SBNO2: variants seen among roughly 807,000 people sequenced by gnomAD.
SBNO2 encodes the protein strawberry notch homolog 2.
SBNO2 carries 89 observed loss-of-function variants against 146.3 expected under a neutral mutation model. That is an observed-to-expected ratio of 0.61 (90% CI 0.51 to 0.73). SBNO2 has a LOEUF of 0.73. Among genes scored for constraint, SBNO2 ranks in the 30% least tolerant of loss-of-function variants. SBNO2 has a pLI of 0.00. For synonymous variants in SBNO2, 1,147 were observed against 892.6 expected, an observed-to-expected ratio of 1.29 and a Z score of -5.08; for missense variants, 2,092 against 2,003.7, an observed-to-expected ratio of 1.04 and a Z score of -0.84.
At chr19:1,114,969 G>C (rs2079814015) in intron 17 of SBNO2, among the ~76,000 whole-genome samples, 1 of 151,328 alleles carries the variant, frequency 6.6e-6, no homozygotes, top group Non-Finnish European at 1.5e-5. Flanking sequence ...TCACTCTGTT[G>C]CCCAGGCTGG....
chr19:1,152,201 C>A (rs2080248662), intron 2 of SBNO2, among the ~76,000 whole-genome samples: 1 of 152,214 alleles, frequency 6.6e-6, no homozygotes, highest in African/African-American at 2.4e-5. Context: ...GGGTTCCAGC[C>A]CTGTCGCATT....
At chr19:1,149,857 C>T (rs111900354) in intron 2 of SBNO2, among the ~76,000 whole-genome samples, 11,115 of 152,238 alleles carry the variant, frequency 0.073, 583 homozygotes, top group East Asian at 0.25. Context: ...CGCGCACCCG[C>T]TGCCTGTGGT....
chr19:1,119,259 G>A (rs369147566), intron 13 of SBNO2, 95 bp from the exon 14 acceptor site: 1 of 1,428,658 alleles, frequency 7.0e-7, no homozygotes, highest in Non-Finnish European at 9.4e-7. Flanking sequence ...AGAGGGCGGG[G>A]TCGGCAGGAG....
At chr19:1,172,778 G>GGGC in intron 1 of SBNO2, among the ~76,000 whole-genome samples, 1 of 36,316 alleles carries the variant, frequency 2.8e-5, no homozygotes, top group East Asian at 8.7e-4. Flanking sequence ...CACTGCAACC[G>GGGC]CCCCCCCCGC....
intron 13 of SBNO2, among the ~76,000 whole-genome samples, 173 bp from the exon 14 acceptor site, chr19:1,119,337 G>A (rs943411736): frequency 9.9e-5 from 15 of 152,198 alleles, no homozygotes; most frequent in Non-Finnish European, 1.6e-4. Flanking sequence ...GAAGGGCTGC[G>A]GAGGGGCTGG....
At position 1,109,070 on chromosome 19, in the gene SBNO2, C is replaced by G; in HGVS notation, c.3425+65G>C. The stretch of plus-strand genomic sequence containing the variant: ...CCGCCTCCTCTCAGGGTCTCGGGAG[C>G]CCCCGATCCCCGCCTGGGTCGCCGC... On this transcript the variant is annotated intron_variant, in intron 30 of 31. Transcript: ENST00000361757. This position sits in a 1 kb window ranked among gnomAD's most constrained non-coding sequence, Gnocchi z 4.2. The G allele has an allele frequency of 6.5e-7, 1 of 1,528,646 alleles. No homozygotes were observed. The highest frequency in any genetic ancestry group is 1.2e-5 in the South Asian group (1 of 82,620). 94.7% of individuals were successfully genotyped at this position (1,528,646 alleles called of 1,614,324 possible).
intron 4 of SBNO2, among the ~76,000 whole-genome samples, chr19:1,142,737 C>T (rs1374020974): frequency 4.6e-5 from 7 of 151,948 alleles, no homozygotes; most frequent in African/African-American, 7.3e-5. Context: ...CTTTGGGAGA[C>T]GGGCAGATCA....
chr19:1,167,524 C>T (rs1474021794), intron 1 of SBNO2, among the ~76,000 whole-genome samples: 2 of 152,248 alleles, frequency 1.3e-5, no homozygotes, highest in African/African-American at 4.8e-5. Context: ...CCACGTCCCC[C>T]ATCACGCCAT....
At chr19:1,135,977 T>C (rs2080081308) in intron 4 of SBNO2, among the ~76,000 whole-genome samples, 1 of 151,434 alleles carries the variant, frequency 6.6e-6, no homozygotes, top group Non-Finnish European at 1.5e-5. Context: ...GCTGTGTGTG[T>C]GGCCTTATTT....
In SBNO2 at chr19:1,174,252, G is replaced by A. The variant is rs989848784; in HGVS notation, c.-207C>T. The A allele has an allele frequency of 6.6e-6, 1 of 151,892 alleles. No individual in the cohort carries two copies. Among genetic ancestry groups the A allele is most frequent in the Non-Finnish European group, 1.5e-5 (1 of 67,908 alleles). The allele number at this position is 151,892 out of a possible 1,614,324, so 9.4% of individuals were successfully genotyped here. On this transcript the variant is annotated 5_prime_UTR_variant, in exon 1 of 32. Transcript: ENST00000361757. ...CGCAGCTGCCGCCGCTCACTTCCGG[G>A]TTTCGGGCGCCATCTTGGGGGCCCC...
chr19:1,144,930 AGAGACAGAGAGG>A lies in SBNO2; in HGVS notation c.279+2367_279+2378del, dbSNP rs2080174728. Among the ~76,000 whole-genome samples the A allele has an allele frequency of 6.6e-6, 1 of 150,620 alleles. No individual in the cohort carries two copies. Among genetic ancestry groups the A allele is most frequent in the Non-Finnish European group, 1.5e-5 (1 of 67,788 alleles). Reference sequence around the variant, plus strand: ...GAGATGGAGACAGAGACAGAGAGACAGAGACAGAGAGGGAGACAGAGACAAAGAGGGAGACAG... The same window carrying A: ...GAGATGGAGACAGAGACAGAGAGACAGAGACAGAGACAAAGAGGGAGACAG... On this transcript the variant is annotated intron_variant, in intron 4 of 31. Transcript: ENST00000361757. This position sits in a 1 kb window ranked among gnomAD's most constrained non-coding sequence, Gnocchi z 4.1.
At chr19:1,135,796 G>A (rs1171299929) in intron 4 of SBNO2, among the ~76,000 whole-genome samples, 1 of 152,148 alleles carries the variant, frequency 6.6e-6, no homozygotes, top group Non-Finnish European at 1.5e-5. Context: ...GGGCTGGGGG[G>A]CAGACAGAAG....
In SBNO2 at chr19:1,127,592, G is replaced by A. The variant is rs577313581; in HGVS notation, c.441+12C>T. On this transcript the variant is annotated intron_variant, in intron 5 of 31. Coordinates refer to ENST00000361757, the MANE Select transcript of SBNO2 (RefSeq NM_014963.3). ...TGGGTCGGGGCTGGCTGGGGGCACC[G>A]GGCGCACTGACCTTATCGTGGGTGG... The A allele has an allele frequency of 4.2e-5, 67 of 1,609,586 alleles. No homozygotes were observed. The highest frequency in any genetic ancestry group is 1.5e-4 in the South Asian group (14 of 90,962).
intron 1 of SBNO2, among the ~76,000 whole-genome samples, chr19:1,169,733 T>C (rs2080459862): frequency 6.6e-6 from 1 of 152,188 alleles, no homozygotes; most frequent in South Asian, 2.1e-4. Context: ...AACTGGGGAT[T>C]CCGAAGGACA....
intron 4 of SBNO2, among the ~76,000 whole-genome samples, chr19:1,145,828 C>T (rs371063351): frequency 9.2e-5 from 14 of 152,246 alleles, no homozygotes; most frequent in African/African-American, 1.2e-4. Context: ...AGCCCCTGTG[C>T]GCACCTCGCT....
chr19:1,113,057 G>T, intron 19 of SBNO2, 108 bp from the exon 20 acceptor site: 1 of 1,323,758 alleles, frequency 7.6e-7, no homozygotes, highest in Non-Finnish European at 1.0e-6. Flanking sequence ...TGGGCTCCCA[G>T]CTGTGCACGG....
At chr19:1,164,204 C>A (rs2080378904) in intron 1 of SBNO2, among the ~76,000 whole-genome samples, 1 of 152,194 alleles carries the variant, frequency 6.6e-6, no homozygotes, top group Admixed American at 6.5e-5. Flanking sequence ...GGGGCTGGTG[C>A]CATGGGAGGG....
In SBNO2 at chr19:1,108,735, C is replaced by CG. The variant is rs979831464; in HGVS notation, c.3617-32dup. The stretch of plus-strand genomic sequence containing the variant: ...GGCAGAGCGTCGGGGTCAGGGCCGG[C>CG]GCTGGGGGCTCGGGCCTTCCCGGGG... On this transcript the variant is annotated intron_variant, in intron 31 of 31. Transcript: ENST00000361757. 5 of 1,581,428 alleles carry CG rather than the reference C, an allele frequency of 3.2e-6. No homozygotes were observed. The Admixed American group carries it at 8.7e-5, about 27-fold the overall frequency.
intron 14 of SBNO2, 80 bp from the exon 15 acceptor site, chr19:1,117,579 C>G: frequency 7.0e-7 from 1 of 1,431,522 alleles, no homozygotes; most frequent in Non-Finnish European, 9.3e-7. Context: ...TGCCGCCAGC[C>G]CTGGGCAAGG....
Sources: allele counts gnomAD v4.1 joint callset (sites outside exome capture counted in the v4.1 genomes callset), GRCh38; gene constraint gnomAD v4.1.1; non-coding constraint Gnocchi (gnomAD v3.1); transcripts MANE v1.5; gene names NCBI Gene and HGNC (gene_info 2026-07-23, HGNC 2026-07-21).